The following HKDC1 variants were observed in gnomAD, a reference collection of about 807,000 sequenced individuals.
HKDC1 encodes hexokinase HKDC1.
In HKDC1, 66 loss-of-function variants were observed where a neutral mutation model predicts 96.6. The ratio of observed to expected loss-of-function variants is 0.68; its 90% CI spans 0.56 to 0.84. HKDC1 has a LOEUF of 0.84. Ranked by LOEUF, HKDC1 falls within the 40% of genes least tolerant of loss-of-function variation. The probability of loss-of-function intolerance (pLI) is 0.00; values close to 1 mark genes in which losing one functional copy is unlikely to be tolerated. For missense variants in HKDC1, 1,211 were observed against 1,208.1 expected, an observed-to-expected ratio of 1.00 and a Z score of -0.04; for synonymous variants, 466 against 473.1, an observed-to-expected ratio of 0.98 and a Z score of 0.20.
chr10:69,239,766 C>CT (rs33937984), intron 5 of HKDC1, among the ~76,000 whole-genome samples: 45,262 of 126,564 alleles, frequency 0.36, 8,758 homozygotes, highest in East Asian at 0.47. Flanking sequence ...TTTCATTTTA[C>CT]TTTTTTTTTT....
At chr10:69,266,563 T>C (rs776646192) in intron 17 of HKDC1, 47 bp from the exon 18 acceptor site, 5 of 1,589,604 alleles carry the variant, frequency 3.1e-6, no homozygotes, top group Non-Finnish European at 4.3e-6. Flanking sequence ...ATAAATGTTC[T>C]GATTCTACAT....
intron 9 of HKDC1, 36 bp from the exon 10 acceptor site, chr10:69,248,388 T>A: frequency 6.5e-7 from 1 of 1,527,884 alleles, no homozygotes; most frequent in South Asian, 1.3e-5. Flanking sequence ...CTGGCCTTTA[T>A]GATTGCTAAA....
intron 11 of HKDC1, 28 bp downstream of exon 11, chr10:69,250,463 C>G (rs755064803): frequency 1.2e-6 from 2 of 1,611,730 alleles, no homozygotes; most frequent in African/African-American, 1.3e-5. Context: ...CCTTTGGGCT[C>G]CGAGGTGCCA....
chr10:69,243,121 T>G (rs1030275814), intron 6 of HKDC1, 61 bp from the exon 7 acceptor site: 1 of 1,541,040 alleles, frequency 6.5e-7, no homozygotes, highest in Non-Finnish European at 9.0e-7. Context: ...AGTCAAGAGT[T>G]CTCTGTCTGT....
In HKDC1 at chr10:69,265,585, C is replaced by T. The variant is rs754500258; in HGVS notation, c.2373C>T (p.Ser791=). 52 of 1,613,322 alleles carry T rather than the reference C, an allele frequency of 3.2e-5. No individual in the cohort carries two copies. The highest frequency in any genetic ancestry group is 1.7e-4 in the Middle Eastern group (1 of 6,058). ...TGACTCCCTGCTCTATTGCCTGCAG[C>T]GATCGGCTGGCCCTTCTCCAGGTCA... ...FETKFLSQIE[S]DRLALLQVRR... Residue 791 remains serine, a splice_region_variant and synonymous_variant, in exon 17 of 18, where the codon AGC becomes AGT. Transcript: ENST00000354624.
chr10:69,244,275 A>T (rs1843503267), intron 7 of HKDC1, among the ~76,000 whole-genome samples: 1 of 152,124 alleles, frequency 6.6e-6, no homozygotes, highest in Non-Finnish European at 1.5e-5. Flanking sequence ...TTCCCGGCTC[A>T]TGTCGCACTT....
chr10:69,234,191 C>T (rs1183052896), intron 4 of HKDC1, among the ~76,000 whole-genome samples: 1 of 152,186 alleles, frequency 6.6e-6, no homozygotes, highest in Non-Finnish European at 1.5e-5. Flanking sequence ...ATCTCCTCCT[C>T]CTGGCCCTCC....
Position 69,265,739 on chromosome 10 carries a change from A to C in HKDC1, c.2527A>C (p.Lys843Gln), listed in dbSNP as rs1298479205. 6.2e-7 allele frequency: 1 copy of C among 1,613,388 alleles called. No homozygotes were observed. The highest frequency in any genetic ancestry group is 1.3e-5 in the African/African-American group (1 of 74,890). ...CGAGLAAIVE[K>Q]RREDQGLEHL... ...TGCTGGCCTGGCCGCTATAGTGGAA[A>C]AAAGGAGAGAAGACCAGGGGCTAGA... The change falls in exon 17 of 18, where the codon AAA becomes CAA. Residue 843 changes from lysine (K) to glutamine (Q), a missense_variant. By Grantham distance (53) the Lys-to-Gln change is moderately conservative. Transcript: ENST00000354624.
intron 8 of HKDC1, 152 bp from the exon 9 acceptor site, chr10:69,247,208 G>A: frequency 3.3e-6 from 2 of 614,120 alleles, no homozygotes; most frequent in South Asian, 2.0e-5. Context: ...AGTGGCAGCT[G>A]CTACTATCAA....
rs1843534750 is a variant in HKDC1, at chr10:69,245,976, TCTCCCATGTGCTC to T, written c.876-100_876-88del. ...GAAGGAGGGAATCTTAGCTCAGCCC[TCTCCCATGTGCTC>T]CTTCCTGTGGGCAGTGGCTCCTGGT... On this transcript the variant is annotated intron_variant, in intron 7 of 17. Coordinates refer to ENST00000354624, the MANE Select transcript of HKDC1 (RefSeq NM_025130.4). 3 of 1,412,282 alleles carry T rather than the reference TCTCCCATGTGCTC, an allele frequency of 2.1e-6. No homozygotes were observed. In the Admixed American group the frequency reaches 5.4e-5, roughly 26 times the overall value. 87.5% of individuals were successfully genotyped at this position (1,412,282 alleles called of 1,614,324 possible).
chr10:69,238,376 T>C lies in HKDC1; in HGVS notation c.496-666T>C, dbSNP rs1843397569. ...AATACACCAGGTATTTTCTTTTTTT[T>C]TTTTTTTTTTTGAGACGGAGTCTCG... On this transcript the variant is annotated intron_variant, in intron 4 of 17. Transcript: ENST00000354624. Among the ~76,000 whole-genome samples, 2 of 2,500 alleles carry C rather than the reference T, an allele frequency of 8.0e-4. 1 individual carries two copies. The highest frequency in any genetic ancestry group is 0.038 in the South Asian group (2 of 52). 1.6% of individuals were successfully genotyped at this position (2,500 alleles called of 152,430 possible). A position where few individuals can be genotyped will look rare whatever the true frequency, so the allele number is the denominator to read the frequency against.
intron 12 of HKDC1, among the ~76,000 whole-genome samples, chr10:69,255,050 G>A (rs1435300213): frequency 6.6e-6 from 1 of 152,234 alleles, no homozygotes; most frequent in Non-Finnish European, 1.5e-5. Flanking sequence ...CCGGGAGGGT[G>A]CCGTGTGCAG....
At chr10:69,242,929 G>A (rs895731600) in intron 6 of HKDC1, among the ~76,000 whole-genome samples, 2 of 152,110 alleles carry the variant, frequency 1.3e-5, no homozygotes, top group Admixed American at 6.5e-5. Flanking sequence ...ATTCATCAGC[G>A]GACTTCTTCA....
chr10:69,250,309 C>T lies in HKDC1; in HGVS notation c.1590C>T (p.Ala530=), dbSNP rs1223949595. The T allele has an allele frequency of 9.3e-6, 15 of 1,613,808 alleles. 1 individual carries two copies. Among genetic ancestry groups the T allele is most frequent in the Non-Finnish European group, 1.3e-5 (15 of 1,179,858 alleles). ...TCACAGAGAAAGGAAAGTTTCTCGCCCTGGATCTTGGGGGAACCAACTTCC... is the reference window on the plus strand; with the variant it reads ...TCACAGAGAAAGGAAAGTTTCTCGCTCTGGATCTTGGGGGAACCAACTTCC... ...PDGTEKGKFL[A]LDLGGTNFRV... is the part of the protein sequence containing the mutation. Residue 530 remains alanine, a synonymous_variant, in exon 11 of 18, where the codon GCC becomes GCT. Transcript: ENST00000354624.
At chr10:69,254,490 T>C (rs1475472785) in intron 12 of HKDC1, among the ~76,000 whole-genome samples, 1 of 152,170 alleles carries the variant, frequency 6.6e-6, no homozygotes, top group Non-Finnish European at 1.5e-5. Flanking sequence ...ATTTCTGTAC[T>C]CATTGAGCGC....
At chr10:69,246,019 G>C in intron 7 of HKDC1, 60 bp from the exon 8 acceptor site, 3 of 1,591,904 alleles carry the variant, frequency 1.9e-6, no homozygotes, top group South Asian at 2.2e-5. Flanking sequence ...CCTGGTCTTC[G>C]GGAAATGATG....
chr10:69,226,959 TC>T (rs1843167689), intron 1 of HKDC1, among the ~76,000 whole-genome samples: 1 of 152,198 alleles, frequency 6.6e-6, no homozygotes, highest in Admixed American at 6.5e-5. Flanking sequence ...AATCATTTTC[TC>T]CTCAGATTCT....
chr10:69,255,304 T>C (rs955340885), intron 12 of HKDC1, among the ~76,000 whole-genome samples: 14 of 152,310 alleles, frequency 9.2e-5, no homozygotes, highest in African/African-American at 3.4e-4. Context: ...GTTGGGAGTG[T>C]CTCTCTAATG....
intron 7 of HKDC1, among the ~76,000 whole-genome samples, chr10:69,245,747 C>T (rs1029581850): frequency 2.8e-4 from 43 of 152,290 alleles, no homozygotes; most frequent in African/African-American, 1.0e-3. Flanking sequence ...CTCACAAGCA[C>T]AGCATCTTTC....
Sources: allele counts gnomAD v4.1 joint callset (sites outside exome capture counted in the v4.1 genomes callset), GRCh38; gene constraint gnomAD v4.1.1; transcripts MANE v1.5; gene names NCBI Gene and HGNC (gene_info 2026-07-23, HGNC 2026-07-21).